NLK: variants seen among roughly 807,000 people sequenced by gnomAD.
NLK encodes the protein serine/threonine-protein kinase NLK.
In NLK, 11 loss-of-function variants were observed where a neutral mutation model predicts 59.0. That is an observed-to-expected ratio of 0.19 (90% CI 0.12 to 0.31). The LOEUF (loss-of-function observed/expected upper bound fraction) is 0.31. NLK is among the 10% of genes least tolerant of loss of function. The pLI, the probability that NLK is intolerant of heterozygous loss-of-function variation, is 1.00. For synonymous variants in NLK, 235 were observed against 235.9 expected (o/e 1.00, Z 0.03); for missense variants, 410 against 661.1 (o/e 0.62, Z 4.16).
At chr17:28,079,507 C>T (rs772217998) in intron 1 of NLK, among the ~76,000 whole-genome samples, 10 of 152,178 alleles carry the variant, frequency 6.6e-5, no homozygotes, top group Non-Finnish European at 1.3e-4. Flanking sequence ...ATTATTTTCA[C>T]ATTTTTGCCA....
At chr17:28,073,982 C>A (rs1416147699) in intron 1 of NLK, among the ~76,000 whole-genome samples, 1 of 152,168 alleles carries the variant, frequency 6.6e-6, no homozygotes, top group African/African-American at 2.4e-5. Flanking sequence ...AAATTTTAAG[C>A]TTCTAGCTAG....
At chr17:28,077,073 CTTTTTTTTTTT>C (rs35639099) in intron 1 of NLK, among the ~76,000 whole-genome samples, 4 of 42,490 alleles carry the variant, frequency 9.4e-5, no homozygotes, top group African/African-American at 3.7e-4. Flanking sequence ...CTCTTTCTTT[CTTTTTTTTTTT>C]TTTTTTTTTT....
chr17:28,150,605 GT>G lies in NLK; in HGVS notation c.645-10553del, dbSNP rs1191743709. 8.6e-3 allele frequency among the ~76,000 whole-genome samples: 1,307 copies of G among 152,278 alleles called. 17 individuals are homozygous for G. The highest frequency in any genetic ancestry group is 0.03 in the African/African-American group (1,229 of 41,554). The stretch of plus-strand genomic sequence containing the variant: ...CTCTTTAAAACAATACAGAGACATT[GT>G]TACTTCTCTTGGGCACCTGAGACAT... On this transcript the variant is annotated intron_variant, in intron 3 of 10. Transcript: ENST00000407008.
intron 1 of NLK, among the ~76,000 whole-genome samples, chr17:28,083,531 C>T (rs1204446078): frequency 1.3e-5 from 2 of 152,062 alleles, no homozygotes; most frequent in Non-Finnish European, 2.9e-5. Flanking sequence ...GTCTAAGTTC[C>T]CAGCCCAGAA....
chr17:28,163,170 T>G (rs978205476), intron 4 of NLK, among the ~76,000 whole-genome samples: 2 of 152,220 alleles, frequency 1.3e-5, no homozygotes, highest in African/African-American at 4.8e-5. Flanking sequence ...GGAAACTGTT[T>G]TGTTGGAGCA....
intron 1 of NLK, among the ~76,000 whole-genome samples, chr17:28,122,245 A>G (rs189747664): frequency 8.7e-4 from 133 of 152,338 alleles, no homozygotes; most frequent in African/African-American, 2.8e-3. Context: ...TATCAAATTA[A>G]TGATCTATGC....
At position 28,129,201 on chromosome 17, in the gene NLK, TC is replaced by T. The variant is rs1340246680; in HGVS notation, c.589-3416del. Among the ~76,000 whole-genome samples, 4 of 152,172 alleles carry T rather than the reference TC, an allele frequency of 2.6e-5. No homozygotes were observed. In the South Asian group the frequency reaches 8.3e-4, roughly 31 times the overall value. On this transcript the variant is annotated intron_variant, in intron 2 of 10. Transcript: ENST00000407008. ...TGGGTGCAGTGTCTCATGCCTGTAA[TC>T]CCAGCACCTTGGGAGGCCAAGGTGG...
the NLK span, among the ~76,000 whole-genome samples, chr17:28,201,382 C>CTT: frequency 0.011 from 1,380 of 126,876 alleles, 27 homozygotes; most frequent in African/African-American, 0.027. Flanking sequence ...TGCACCTGGT[C>CTT]TTTTTTTTTT....
chr17:28,203,997 A>G, the NLK span, among the ~76,000 whole-genome samples: 2 of 152,172 alleles, frequency 1.3e-5, no homozygotes, highest in African/African-American at 4.8e-5. Context: ...TTAGTTTCAC[A>G]CTTCTCAGAG....
At chr17:28,051,041 C>T (rs1024008768) in intron 1 of NLK, among the ~76,000 whole-genome samples, 12 of 149,508 alleles carry the variant, frequency 8.0e-5, no homozygotes, top group African/African-American at 3.0e-4. Flanking sequence ...TATCACACCA[C>T]TGCACTCCAG....
intron 1 of NLK, among the ~76,000 whole-genome samples, chr17:28,111,971 T>C (rs531721770): frequency 1.4e-5 from 2 of 147,324 alleles, no homozygotes; most frequent in Non-Finnish European, 3.0e-5. Flanking sequence ...CATGTAGTTT[T>C]CAAATATGCC....
intron 7 of NLK, among the ~76,000 whole-genome samples, chr17:28,175,408 G>A (rs1000676847): frequency 3.3e-5 from 5 of 150,904 alleles, no homozygotes; most frequent in East Asian, 1.9e-4. Context: ...CCGAGATCAC[G>A]CCACTGCACT....
intron 1 of NLK, among the ~76,000 whole-genome samples, chr17:28,081,914 G>A (rs1910359775): frequency 6.6e-6 from 1 of 152,132 alleles, no homozygotes; most frequent in African/African-American, 2.4e-5. Flanking sequence ...TTCCTTTTGA[G>A]ATAGAGTCTC....
chr17:28,112,210 A>G (rs374224044), intron 1 of NLK, among the ~76,000 whole-genome samples: 3 of 152,174 alleles, frequency 2.0e-5, no homozygotes, highest in African/African-American at 7.2e-5. Flanking sequence ...CTTCTTCTCA[A>G]CCAGGACAGC....
intron 6 of NLK, among the ~76,000 whole-genome samples, chr17:28,170,414 A>G (rs1268921662): frequency 6.6e-6 from 1 of 151,724 alleles, no homozygotes; most frequent in Non-Finnish European, 1.5e-5. Context: ...TTCTACAAAG[A>G]ATTTTTACCT....
At chr17:28,132,544 G>T in intron 2 of NLK, 76 bp from the exon 3 acceptor site, 1 of 1,073,062 alleles carries the variant, frequency 9.3e-7, no homozygotes, top group East Asian at 2.6e-5. Context: ...AGAGTTGTTA[G>T]TATTTACTTG....
chr17:28,188,045 T>A (rs1296376882), intron 8 of NLK, among the ~76,000 whole-genome samples: 4 of 151,984 alleles, frequency 2.6e-5, no homozygotes, highest in African/African-American at 4.8e-5. Flanking sequence ...AAATTAAAAA[T>A]TTTTTAAATT....
At chr17:28,059,021 G>T (rs1380346243) in intron 1 of NLK, among the ~76,000 whole-genome samples, 1 of 152,122 alleles carries the variant, frequency 6.6e-6, no homozygotes, top group Non-Finnish European at 1.5e-5. Flanking sequence ...AGCTACTTGG[G>T]AGGCTGAGGT....
chr17:28,057,275 A>G (rs986791221), intron 1 of NLK, among the ~76,000 whole-genome samples: 1 of 152,118 alleles, frequency 6.6e-6, no homozygotes, highest in Admixed American at 6.5e-5. Context: ...CTTTGAGGCT[A>G]TTTCTACAGA....
Sources: gnomAD v4.1 joint callset for allele counts (sites outside exome capture counted in the v4.1 genomes callset) on GRCh38, gnomAD v4.1.1 for gene constraint, MANE v1.5 for transcripts, NCBI Gene and HGNC (gene_info 2026-07-23, HGNC 2026-07-21) for gene names.